The following TNIK variants were observed in gnomAD, a reference collection of about 807,000 sequenced individuals.
TNIK encodes TRAF2 and NCK-interacting protein kinase.
In TNIK, 49 loss-of-function variants were observed where a neutral mutation model predicts 191.3. That is an observed-to-expected ratio of 0.26 (90% CI 0.20 to 0.32). TNIK has a LOEUF of 0.32. Ranked by LOEUF, TNIK falls within the 10% of genes least tolerant of loss-of-function variation. The probability of loss-of-function intolerance (pLI) is 1.00; values close to 1 mark genes in which losing one functional copy is unlikely to be tolerated. For synonymous variants in TNIK, 594 were observed against 600.9 expected, an observed-to-expected ratio of 0.99 and a Z score of 0.17; for missense variants, 1,155 against 1,702.3, an observed-to-expected ratio of 0.68 and a Z score of 5.66.
intron 9 of TNIK, among the ~76,000 whole-genome samples, chr3:171,169,030 C>A (rs567316398): frequency 1.3e-5 from 2 of 152,140 alleles, no homozygotes; most frequent in East Asian, 3.9e-4. Flanking sequence ...TAAGAAGAAA[C>A]CTTGCCAGAA....
chr3:171,414,258 A>G (rs1240321255), intron 1 of TNIK, among the ~76,000 whole-genome samples: 1 of 152,224 alleles, frequency 6.6e-6, no homozygotes, highest in Non-Finnish European at 1.5e-5. Flanking sequence ...ATGGGAATGA[A>G]AAGTGATCAT....
At chr3:171,412,204 C>A (rs1722514609) in intron 1 of TNIK, among the ~76,000 whole-genome samples, 1 of 152,160 alleles carries the variant, frequency 6.6e-6, no homozygotes, top group Non-Finnish European at 1.5e-5. Context: ...TTCTTTCTTG[C>A]TTAACCAACA....
intron 20 of TNIK, 151 bp downstream of exon 20, chr3:171,107,914 C>T: frequency 3.0e-6 from 2 of 671,372 alleles, no homozygotes; most frequent in Non-Finnish European, 4.7e-6. Context: ...CTTTCCTAAT[C>T]AGGTATGACT....
rs937287905 is a variant in TNIK at position 171,300,042 on chromosome 3, C to T, written c.123+69578G>A. Among the ~76,000 whole-genome samples the T allele has an allele frequency of 4.6e-5, 7 of 152,190 alleles. No homozygotes were observed. In the South Asian group the frequency reaches 1.2e-3, roughly 27 times the overall value. ...AATGGTACACAAATGCATTTACAAA[C>T]TACTAAACATCAGGAATTGTGTGAG... On this transcript the variant is annotated intron_variant, in intron 2 of 32. Transcript: ENST00000436636.
In TNIK at chr3:171,094,086, A is replaced by C. The variant is rs1055181403; in HGVS notation, c.2592-118T>G. 8.5e-6 allele frequency: 11 copies of C among 1,294,402 alleles called. No homozygotes were observed. In the African/African-American group the frequency reaches 1.5e-4, roughly 18 times the overall value. The allele number at this position is 1,294,402 out of a possible 1,614,324, so 80.2% of individuals were successfully genotyped here. On this transcript the variant is annotated intron_variant, in intron 22 of 32. Coordinates refer to ENST00000436636, the MANE Select transcript of TNIK (RefSeq NM_015028.4). ...ACATATTAATAACATAAAATTTACCATTGTACCAATTTTAAGTGTACATGT... is the reference window on the plus strand; with the variant it reads ...ACATATTAATAACATAAAATTTACCCTTGTACCAATTTTAAGTGTACATGT...
At chr3:171,289,116 A>T (rs894921385) in intron 2 of TNIK, among the ~76,000 whole-genome samples, 11 of 152,176 alleles carry the variant, frequency 7.2e-5, no homozygotes, top group African/African-American at 2.7e-4. Flanking sequence ...CTTCACAAAT[A>T]GCTCATTAGC....
rs115789704 is a variant in TNIK, at chr3:171,227,496, C to T, written c.180+669G>A. On this transcript the variant is annotated intron_variant, in intron 3 of 32. Coordinates refer to ENST00000436636, the MANE Select transcript of TNIK (RefSeq NM_015028.4). ...TAATCTCAGTATTATTCATTTAATACCTTCACATCCTTGTTCTGCATTCAT... is the reference window on the plus strand; with the variant it reads ...TAATCTCAGTATTATTCATTTAATATCTTCACATCCTTGTTCTGCATTCAT... Among the ~76,000 whole-genome samples the T allele has an allele frequency of 8.3e-3, 1,262 of 152,212 alleles. 14 individuals are homozygous for T. Among genetic ancestry groups the T allele is most frequent in the African/African-American group, 0.028 (1,181 of 41,522 alleles).
chr3:171,312,280 G>A (rs933810457), intron 2 of TNIK, among the ~76,000 whole-genome samples: 10 of 151,844 alleles, frequency 6.6e-5, no homozygotes, highest in African/African-American at 9.6e-5. Context: ...ATCCATTTGC[G>A]AGCTCTGTGT....
chr3:171,398,947 C>T (rs529573199), intron 1 of TNIK, among the ~76,000 whole-genome samples: 7 of 152,294 alleles, frequency 4.6e-5, no homozygotes, highest in African/African-American at 1.4e-4. Flanking sequence ...CCCCAAGAAT[C>T]AGAGGCTCTC....
rs990604853 is a variant in TNIK, at chr3:171,140,416, G to A, written c.1315C>T (p.Arg439Cys). The change falls in exon 13 of 33, where the codon CGT becomes TGT. Residue 439 changes from arginine to cysteine, a missense_variant. Arg to Cys is a radical substitution (Grantham distance 180). Around this residue, in one of 3 missense-constraint regions of TNIK, gnomAD observed 735 missense variants for 848.0 expected, o/e 0.87. Transcript: ENST00000436636. ...EQMRREEERR[R>C]AEHEQEYIRR... ...AGCTGTACCTGTTCATGCTCCGCAC[G>A]CCTCCTCTCCTCCTCCCGGCGCATC... 11 of 1,601,656 alleles carry A rather than the reference G, an allele frequency of 6.9e-6. No individual in the cohort carries two copies. The highest frequency in any genetic ancestry group is 2.2e-5 in the South Asian group (2 of 89,524).
intron 2 of TNIK, among the ~76,000 whole-genome samples, chr3:171,362,002 G>A (rs1488734630): frequency 4.6e-5 from 7 of 152,096 alleles, no homozygotes; most frequent in Admixed American, 1.3e-4. Flanking sequence ...TCTAAATGAG[G>A]TTCTTGCTGC....
chr3:171,356,331 A>G (rs1437117024), intron 2 of TNIK, among the ~76,000 whole-genome samples: 1 of 152,136 alleles, frequency 6.6e-6, no homozygotes, highest in Admixed American at 6.6e-5. Flanking sequence ...TAAGTAGCCC[A>G]AGGTATGCCG....
chr3:171,074,197 A>G (rs1719594477), intron 28 of TNIK, among the ~76,000 whole-genome samples: 1 of 152,188 alleles, frequency 6.6e-6, no homozygotes, highest in African/African-American at 2.4e-5. Flanking sequence ...AAAAAGAATG[A>G]AATCGTGCCC....
chr3:171,347,508 G>C (rs1358609346), intron 2 of TNIK, among the ~76,000 whole-genome samples: 3 of 152,006 alleles, frequency 2.0e-5, no homozygotes, highest in Non-Finnish European at 2.9e-5. Context: ...CACTATCATT[G>C]CATTTAACTG....
intron 4 of TNIK, among the ~76,000 whole-genome samples, chr3:171,197,796 C>G (rs1020638105): frequency 6.6e-6 from 1 of 152,176 alleles, no homozygotes; most frequent in African/African-American, 2.4e-5. Context: ...GAAACTGGAA[C>G]CTCTATACAT....
At chr3:171,307,412 G>A (rs1032858094) in intron 2 of TNIK, among the ~76,000 whole-genome samples, 1 of 152,084 alleles carries the variant, frequency 6.6e-6, no homozygotes, top group Admixed American at 6.6e-5. Flanking sequence ...TTACTCTAAG[G>A]GGTCAAGAAG....
In TNIK at chr3:171,311,918, G is replaced by C. The variant is rs145686270; in HGVS notation, c.123+57702C>G. On this transcript the variant is annotated intron_variant, in intron 2 of 32. Coordinates refer to ENST00000436636, the MANE Select transcript of TNIK (RefSeq NM_015028.4). ...ATTGGCAAGAGTGTGAAGGATTCCA[G>C]CAGCAAACATACACGCAAGGTCAGG... Among the ~76,000 whole-genome samples, 782 of 151,932 alleles carry C rather than the reference G, an allele frequency of 5.1e-3. 4 individuals are homozygous for C. The highest frequency in any genetic ancestry group is 0.018 in the African/African-American group (729 of 41,428).
chr3:171,207,803 T>C (rs988531559), intron 4 of TNIK, among the ~76,000 whole-genome samples: 2 of 152,200 alleles, frequency 1.3e-5, no homozygotes, highest in African/African-American at 4.8e-5. Context: ...CCTCAGGGAA[T>C]CTGAGCTCTC....
intron 18 of TNIK, among the ~76,000 whole-genome samples, chr3:171,123,325 T>G (rs534249931): frequency 6.6e-6 from 1 of 152,358 alleles, no homozygotes; most frequent in South Asian, 2.1e-4. Flanking sequence ...TACTCTCAGA[T>G]TTTAAAAACT....
Sources: gnomAD v4.1 joint callset for allele counts (sites outside exome capture counted in the v4.1 genomes callset) on GRCh38, gnomAD v4.1.1 for gene constraint, gnomAD v4.1.1 regional missense constraint, MANE v1.5 for transcripts, NCBI Gene and HGNC (gene_info 2026-07-23, HGNC 2026-07-21) for gene names.